Variants in NBPF11 observed in about 807,000 individuals in gnomAD.
NBPF11 encodes NBPF member 11.
NBPF11 carries 72 observed loss-of-function variants against 93.9 expected under a neutral mutation model. The ratio of observed to expected loss-of-function variants is 0.77; its 90% CI spans 0.63 to 0.93. NBPF11 has a LOEUF of 0.93. Among genes scored for constraint, NBPF11 ranks in the 40% least tolerant of loss-of-function variants. The pLI is 0.00. For synonymous variants in NBPF11, 224 were observed against 304.9 expected (o/e 0.73, Z 2.76); for missense variants, 705 against 802.2 (o/e 0.88, Z 1.46).
chr1:148,151,595 C>CCCCGGCGGAG (rs1354034843), intron 1 of NBPF11, 155 bp downstream of exon 1: 6 of 152,068 alleles, frequency 3.9e-5, no homozygotes, highest in East Asian at 1.9e-4. Flanking sequence ...GGAACTTAGG[C>CCCCGGCGGAG]CCCGGCGGAG....
chr1:148,117,296 G>T (rs1443597207), intron 12 of NBPF11, among the ~76,000 whole-genome samples: 2 of 148,432 alleles, frequency 1.3e-5, no homozygotes, highest in South Asian at 2.1e-4. Flanking sequence ...TGCTCCCATC[G>T]CAGCCTCCTT....
At chr1:148,150,947 T>C (rs1648153112) in intron 1 of NBPF11, among the ~76,000 whole-genome samples, 1 of 151,840 alleles carries the variant, frequency 6.6e-6, no homozygotes, top group Non-Finnish European at 1.5e-5. Context: ...CAGGATGGTC[T>C]CAATCTCCTG....
intron 1 of NBPF11, chr1:148,149,302 C>A: frequency 6.3e-7 from 1 of 1,596,924 alleles, no homozygotes; most frequent in Admixed American, 1.7e-5. Context: ...TCGCCTTCCG[C>A]GACACCAAGA....
chr1:148,126,560 T>C lies in NBPF11; in HGVS notation c.175+269A>G, dbSNP rs1296280569. On this transcript the variant is annotated intron_variant, in intron 5 of 23. Coordinates refer to ENST00000682118, the MANE Select transcript of NBPF11 (RefSeq NM_001385469.3). ...GGTACAGAGAGGATTCTTGAAAACA[T>C]GATTGAGCCTCTTGGAGAAAACAGG... Among the ~76,000 whole-genome samples, 476 of 152,064 alleles carry C rather than the reference T, an allele frequency of 3.1e-3. 2 individuals carry two copies. Among genetic ancestry groups the C allele is most frequent in the African/African-American group, 0.011 (442 of 41,344 alleles).
intron 2 of NBPF11, among the ~76,000 whole-genome samples, chr1:148,139,356 T>G (rs1329763972): frequency 6.9e-6 from 1 of 144,206 alleles, no homozygotes; most frequent in Non-Finnish European, 1.5e-5. Context: ...ACGAACACAA[T>G]AGTCCACTAC....
rs1342617776 is a variant in NBPF11 at position 148,129,037 on chromosome 1, T to C, written c.-35-1999A>G. Among the ~76,000 whole-genome samples, 9 of 148,422 alleles carry C rather than the reference T, an allele frequency of 6.1e-5. No individual in the cohort carries two copies. In the East Asian group the frequency reaches 7.8e-4, roughly 13 times the overall value. ...GGGGGAGGGATAGCATTAGGATATATACCTGGTGTAAATGACGAGTTAATG... is the reference window on the plus strand; with the variant it reads ...GGGGGAGGGATAGCATTAGGATATACACCTGGTGTAAATGACGAGTTAATG... On this transcript the variant is annotated intron_variant, in intron 4 of 23. Coordinates refer to ENST00000682118, the MANE Select transcript of NBPF11 (RefSeq NM_001385469.3).
chr1:148,146,251 G>T, intron 1 of NBPF11: 1 of 1,131,672 alleles, frequency 8.8e-7, no homozygotes, highest in Non-Finnish European at 1.2e-6. Context: ...CCTCCTAACG[G>T]GGCTGCTGTC....
intron 12 of NBPF11, among the ~76,000 whole-genome samples, chr1:148,116,870 C>T (rs1666684759): frequency 6.6e-6 from 1 of 152,152 alleles, no homozygotes; most frequent in Admixed American, 6.5e-5. Flanking sequence ...GCTTGGTGTC[C>T]TGTCACAGTT....
rs1406062135 is a variant in NBPF11, at chr1:148,114,817, A to T, written c.1586-329T>A. ...AAGAGTGTTGCTGCAATACGGACTT[A>T]TATCACCAGGTAACATGGACATTAA... is the stretch of plus-strand genomic sequence containing the variant. On this transcript the variant is annotated intron_variant, in intron 14 of 23. Coordinates refer to ENST00000682118, the MANE Select transcript of NBPF11 (RefSeq NM_001385469.3). 3.0e-3 allele frequency among the ~76,000 whole-genome samples: 448 copies of T among 150,640 alleles called. 1 individual carries two copies. The highest frequency in any genetic ancestry group is 6.8e-3 in the Middle Eastern group (2 of 294).
At position 148,103,432 on chromosome 1, in the gene NBPF11, T is replaced by C; in HGVS notation, c.*464A>G. On this transcript the variant is annotated 3_prime_UTR_variant, in exon 24 of 24. Coordinates refer to ENST00000682118, the MANE Select transcript of NBPF11 (RefSeq NM_001385469.3). ...CGTGGTTCAAATTAAAATGTCCGACTGATCACTCCCGGCATGTGCTGCACA... is the reference window on the plus strand; with the variant it reads ...CGTGGTTCAAATTAAAATGTCCGACCGATCACTCCCGGCATGTGCTGCACA... 2 of 635,436 alleles carry C rather than the reference T, an allele frequency of 3.1e-6. No homozygotes were observed. Among genetic ancestry groups the C allele is most frequent in the Middle Eastern group, 9.1e-4 (2 of 2,200 alleles). The allele number at this position is 635,436 out of a possible 1,614,324, so 39.4% of individuals were successfully genotyped here.
intron 1 of NBPF11, 81 bp from the exon 2 acceptor site, chr1:148,143,767 C>T (rs1434809246): frequency 6.5e-6 from 1 of 153,804 alleles, no homozygotes; most frequent in Non-Finnish European, 1.4e-5. Context: ...TGCCATTTAC[C>T]GAGACTGGGA....
chr1:148,141,816 G>A (rs1228843332), intron 2 of NBPF11, among the ~76,000 whole-genome samples: 1 of 151,828 alleles, frequency 6.6e-6, no homozygotes, highest in East Asian at 1.9e-4. Flanking sequence ...AGGCTGGGAG[G>A]ACCTAAGGGC....
At position 148,124,944 on chromosome 1, in the gene NBPF11, T is replaced by C. The variant is rs1553272696; in HGVS notation, c.233A>G (p.Lys78Arg). ...KFMLRNERQFKEEKLAEQLKQ... is the reference protein window; with the variant it reads ...KFMLRNERQFREEKLAEQLKQ... The stretch of plus-strand genomic sequence containing the variant: ...GAGCTGCTCTGCAAGCTTCTCCTCC[T>C]TGAACTGTCGCTCATTCCTCAGCAT... The change falls in exon 6 of 24, where the codon AAG (lysine) becomes AGG (arginine). Residue 78 changes from lysine (K) to arginine (R), a missense_variant. Lys to Arg is a conservative substitution (Grantham distance 26). Transcript: ENST00000682118. The C allele has an allele frequency of 3.7e-6, 6 of 1,609,868 alleles. No homozygotes were observed. In the South Asian group the frequency reaches 5.5e-5, roughly 15 times the overall value.
chr1:148,120,198 G>C (rs1667501880), intron 10 of NBPF11, among the ~76,000 whole-genome samples: 1 of 152,016 alleles, frequency 6.6e-6, no homozygotes, highest in African/African-American at 2.4e-5. Context: ...GTGGTACAGA[G>C]AGGATTCTTG....
chr1:148,117,232 G>T (rs1272076261), intron 12 of NBPF11, among the ~76,000 whole-genome samples: 1 of 150,030 alleles, frequency 6.7e-6, no homozygotes, highest in Middle Eastern at 3.4e-3. Context: ...TTGCCAAAAA[G>T]ACAGCCTGGG....
In NBPF11 at chr1:148,108,465, C is replaced by A; in HGVS notation, c.2026+17G>T. The A allele has an allele frequency of 6.8e-7, 1 of 1,476,890 alleles. No homozygotes were observed. The highest frequency in any genetic ancestry group is 9.4e-7 in the Non-Finnish European group (1 of 1,060,532). The allele number at this position is 1,476,890 out of a possible 1,614,324, so 91.5% of individuals were successfully genotyped here. On this transcript the variant is annotated intron_variant, in intron 18 of 23. Transcript: ENST00000682118. ...AGACTCAGTGGATCCTTATCACCTT[C>A]ATAGAAAGGTACTCACCATCCATGT... is the stretch of plus-strand genomic sequence containing the variant.
rs1333336104 is a variant in NBPF11, at chr1:148,146,977, G to A, written c.-548-3291C>T. ...GGGCACACCCAAGAGGGGACCAGGC[G>A]GGGGGCCGGGGGGCGGGCTTCCCTG... On this transcript the variant is annotated intron_variant, in intron 1 of 23. Coordinates refer to ENST00000682118, the MANE Select transcript of NBPF11 (RefSeq NM_001385469.3). 124 of 1,481,112 alleles carry A rather than the reference G, an allele frequency of 8.4e-5. 3 individuals carry two copies. The South Asian group carries it at 1.1e-3, about 13-fold the overall frequency. 91.7% of individuals were successfully genotyped at this position (1,481,112 alleles called of 1,614,324 possible).
Position 148,120,701 on chromosome 1 carries a change from G to C in NBPF11, c.788C>G (p.Pro263Arg). The C allele has an allele frequency of 1.3e-6, 2 of 1,515,666 alleles. No homozygotes were observed. Among genetic ancestry groups the C allele is most frequent in the Non-Finnish European group, 1.8e-6 (2 of 1,092,336 alleles). The allele number at this position is 1,515,666 out of a possible 1,614,324, so 93.9% of individuals were successfully genotyped here. A position where few individuals can be genotyped will look rare whatever the true frequency, so the allele number is the denominator to read the frequency against. ...GCTGACGTTTGTGGCAGAAGAGGTG[G>C]GGCCAGGGACTGGGGAGAAGAAAGG... ...DALNILPVPG[P>R]TSSATNVSMV... Residue 263 changes from proline (P) to arginine (R), a missense_variant, in exon 10 of 24, where the codon CCC (proline) becomes CGC (arginine). Pro to Arg is a moderately radical substitution (Grantham distance 103). Around this residue, in one of 12 missense-constraint regions of NBPF11, gnomAD observed 262 missense variants for 223.1 expected, o/e 1.17. Coordinates refer to ENST00000682118, the MANE Select transcript of NBPF11 (RefSeq NM_001385469.3).
intron 15 of NBPF11, among the ~76,000 whole-genome samples, chr1:148,111,386 C>T (rs1487275075): frequency 4.6e-5 from 7 of 152,026 alleles, no homozygotes; most frequent in Non-Finnish European, 7.3e-5. Context: ...TGGAACAAAG[C>T]AGGATAGAGA....
Sources: allele counts gnomAD v4.1 joint callset (sites outside exome capture counted in the v4.1 genomes callset), GRCh38; gene constraint gnomAD v4.1.1; regional missense constraint gnomAD v4.1.1; transcripts MANE v1.5; gene names NCBI Gene and HGNC (gene_info 2026-07-23, HGNC 2026-07-21).